The following RPS11 variants were observed in gnomAD, a reference collection of about 807,000 sequenced individuals.
The protein encoded by RPS11 is small ribosomal subunit protein uS17.
For synonymous variants in RPS11, 107 were observed against 78.0 expected, an observed-to-expected ratio of 1.37 and a Z score of -1.96; for missense variants, 127 against 211.4, an observed-to-expected ratio of 0.60 and a Z score of 2.48.
At chr19:49,496,621 TG>T (rs1434513922) in intron 1 of RPS11, 150 bp downstream of exon 1, 1 of 828,672 alleles carries the variant, frequency 1.2e-6, no homozygotes, top group African/African-American at 1.8e-5. Context: ...GGAGGGCGCT[TG>T]CTTTTGTTTC....
intron 4 of RPS11, 26 bp downstream of exon 4, chr19:49,498,072 C>T (rs533113598): frequency 1.2e-6 from 2 of 1,611,526 alleles, no homozygotes; most frequent in South Asian, 1.1e-5. Context: ...CATCAGGTTG[C>T]TCAGGCCACG....
At chr19:49,496,675 G>A (rs1181394607) in intron 1 of RPS11, among the ~76,000 whole-genome samples, 1 of 152,144 alleles carries the variant, frequency 6.6e-6, no homozygotes, top group Admixed American at 6.5e-5. Context: ...TGGCGTTAAT[G>A]GAGGCTCAAG....
At chr19:49,499,050 G>C (rs2079921666) in intron 4 of RPS11, among the ~76,000 whole-genome samples, 1 of 152,212 alleles carries the variant, frequency 6.6e-6, no homozygotes, top group Non-Finnish European at 1.5e-5. Context: ...AGTATAACCA[G>C]AATGGGGATG....
chr19:49,497,426 G>A, intron 2 of RPS11, 94 bp from the exon 3 acceptor site: 2 of 1,596,006 alleles, frequency 1.3e-6, no homozygotes, highest in Non-Finnish European at 1.7e-6. Context: ...TGGGGCTGCT[G>A]GGAATTGTAG....
intron 1 of RPS11, 63 bp from the exon 2 acceptor site, chr19:49,497,131 A>AGGGCTGGT: frequency 6.2e-7 from 1 of 1,600,408 alleles, no homozygotes; most frequent in Non-Finnish European, 8.5e-7. Flanking sequence ...GAAGGTCTCT[A>AGGGCTGGT]GGGCTGGTTG....
intron 1 of RPS11, 76 bp downstream of exon 1, chr19:49,496,547 C>T (rs1402165094): frequency 1.1e-5 from 17 of 1,484,280 alleles, no homozygotes; most frequent in Admixed American, 4.3e-5. Flanking sequence ...GGGCAGAGCC[C>T]GGCGGCCAAG....
At position 49,497,909 on chromosome 19, in the gene RPS11, G is replaced by T; in HGVS notation, c.224-8G>T. The T allele has an allele frequency of 1.2e-6, 2 of 1,614,022 alleles. No homozygotes were observed. Among genetic ancestry groups the T allele is most frequent in the South Asian group, 1.1e-5 (1 of 91,072 alleles). On this transcript the variant is annotated splice_polypyrimidine_tract_variant and splice_region_variant and intron_variant, in intron 3 of 4. Coordinates refer to ENST00000270625, the MANE Select transcript of RPS11 (RefSeq NM_001015.5). Reference sequence around the variant, plus strand: ...GGGACCTGACCTATGATCGGCCCCCGCTCCTAGGCGTGGTGACCAAGATGA... The same window carrying T: ...GGGACCTGACCTATGATCGGCCCCCTCTCCTAGGCGTGGTGACCAAGATGA...
At chr19:49,497,719 T>G (rs1601173024) in intron 3 of RPS11, 124 bp downstream of exon 3, 2 of 1,136,964 alleles carry the variant, frequency 1.8e-6, no homozygotes, top group African/African-American at 1.5e-5. Context: ...CCAGGTACAT[T>G]GGCAGATGAT....
At position 49,497,296 on chromosome 19, in the gene RPS11, A is replaced by G. The variant is rs1408973957; in HGVS notation, c.118A>G (p.Ile40Val). 2 of 1,614,144 alleles carry G rather than the reference A, an allele frequency of 1.2e-6. No individual in the cohort carries two copies. Among genetic ancestry groups the G allele is most frequent in the Non-Finnish European group, 1.7e-6 (2 of 1,180,034 alleles). The change falls in exon 2 of 5, where the codon ATC (isoleucine) becomes GTC (valine). Residue 40 changes from isoleucine to valine, a missense_variant. Coordinates refer to ENST00000270625, the MANE Select transcript of RPS11 (RefSeq NM_001015.5). ...GAAGCTCCCGCGGTACTACAAGAAC[A>G]TCGGTCTGGGCTTCAAGACACCCAA... is the stretch of plus-strand genomic sequence containing the variant. ...KEKLPRYYKN[I>V]GLGFKTPKEA...
In RPS11 at chr19:49,497,110, G is replaced by A. The variant is rs942545695; in HGVS notation, c.16-84G>A. The A allele has an allele frequency of 9.9e-6, 15 of 1,516,804 alleles. No individual in the cohort carries two copies. The African/African-American group carries it at 2.1e-4, about 21-fold the overall frequency. The allele number at this position is 1,516,804 out of a possible 1,614,324, so 94.0% of individuals were successfully genotyped here. ...AAGTAAATGTAGAGCATGGGGTCTG[G>A]GAGGTTCTGGGAAGGTCTCTAGGGC... On this transcript the variant is annotated intron_variant, in intron 1 of 4. Coordinates refer to ENST00000270625, the MANE Select transcript of RPS11 (RefSeq NM_001015.5).
chr19:49,498,752 CCACA>C (rs1332527814), intron 4 of RPS11, among the ~76,000 whole-genome samples: 5 of 151,968 alleles, frequency 3.3e-5, no homozygotes, highest in African/African-American at 1.2e-4. Flanking sequence ...CCTGTCTCTC[CCACA>C]CACACACAAA....
intron 4 of RPS11, chr19:49,498,360 AAGT>A: frequency 2.7e-6 from 1 of 372,778 alleles, no homozygotes; most frequent in South Asian, 2.5e-5. Flanking sequence ...CATAGCCTGA[AAGT>A]AGTCTTACGC....
At chr19:49,496,843 A>T (rs1185379384) in intron 1 of RPS11, among the ~76,000 whole-genome samples, 1 of 151,986 alleles carries the variant, frequency 6.6e-6, no homozygotes, top group Non-Finnish European at 1.5e-5. Context: ...CTACATAAGG[A>T]GTGAATCCTG....
At position 49,498,033 on chromosome 19, in the gene RPS11, T is replaced by G. The variant is rs1260629200; in HGVS notation, c.340T>G (p.Ser114Ala). The change falls in exon 4 of 5, where the codon TCC becomes GCC. Residue 114 changes from serine (S) to alanine (A), a missense_variant. Coordinates refer to ENST00000270625, the MANE Select transcript of RPS11 (RefSeq NM_001015.5). ...CCACAAGAACATGTCTGTACACCTG[T>G]CCCCCTGCTTCAGGTGAGCGCAGTG... ...KRHKNMSVHL[S>A]PCFRDVQIGD... 6.2e-7 allele frequency: 1 copy of G among 1,612,226 alleles called. No individual in the cohort carries two copies. The highest frequency in any genetic ancestry group is 8.5e-7 in the Non-Finnish European group (1 of 1,179,934).
At chr19:49,499,475 G>T (rs1568693155) in intron 4 of RPS11, 37 bp from the exon 5 acceptor site, 1 of 1,596,852 alleles carries the variant, frequency 6.3e-7, no homozygotes. Context: ...TGCTGGGGTG[G>T]CCCCTCCTGA....
In RPS11 at chr19:49,499,558, C is replaced by G. The variant is rs1313113451; in HGVS notation, c.400C>G (p.Leu134Val). ...CGTCACAGTGGGCGAGTGCCGGCCT[C>G]TGAGCAAGACAGTGCGCTTCAACGT... ...DIVTVGECRP[L>V]SKTVRFNVLK... Residue 134 changes from leucine to valine, a missense_variant, in exon 5 of 5, where the codon CTG (leucine) becomes GTG (valine). Coordinates refer to ENST00000270625, the MANE Select transcript of RPS11 (RefSeq NM_001015.5). 6.2e-7 allele frequency: 1 copy of G among 1,613,826 alleles called. No individual in the cohort carries two copies. Among genetic ancestry groups the G allele is most frequent in the Non-Finnish European group, 8.5e-7 (1 of 1,179,784 alleles).
intron 1 of RPS11, among the ~76,000 whole-genome samples, chr19:49,496,989 G>A (rs543365138): frequency 6.8e-4 from 103 of 152,022 alleles, no homozygotes; most frequent in Admixed American, 1.6e-3. Context: ...AAATAACCTC[G>A]GGCTTAGATC....
Position 49,499,636 on chromosome 19 carries a change from G to A in RPS11, c.*1G>A. The A allele has an allele frequency of 1.2e-6, 2 of 1,613,142 alleles. No individual in the cohort carries two copies. The highest frequency in any genetic ancestry group is 1.1e-5 in the South Asian group (1 of 91,030). ...CAAGAAGCAGTTCCAGAAGTTCTGA[G>A]GCTGGACATCGGCCCGCTCCCCACA... On this transcript the variant is annotated 3_prime_UTR_variant, in exon 5 of 5. Transcript: ENST00000270625.
At chr19:49,496,581 C>A (rs2079907426) in intron 1 of RPS11, 110 bp downstream of exon 1, 3 of 1,188,564 alleles carry the variant, frequency 2.5e-6, no homozygotes, top group Non-Finnish European at 3.5e-6. Context: ...TCCGGGCGTC[C>A]GTGATTATTT....
Sources: gnomAD v4.1 joint callset for allele counts (sites outside exome capture counted in the v4.1 genomes callset) on GRCh38, gnomAD v4.1.1 for gene constraint, MANE v1.5 for transcripts, NCBI Gene and HGNC (gene_info 2026-07-23, HGNC 2026-07-21) for gene names.